Variants in TGFB2 observed in about 807,000 individuals in gnomAD.
The protein encoded by TGFB2 is transforming growth factor beta 2, also known as transforming growth factor beta-2 proprotein.
TGFB2 carries 13 observed loss-of-function variants against 42.7 expected under a neutral mutation model. The ratio of observed to expected loss-of-function variants is 0.30; its 90% CI spans 0.20 to 0.48. The LOEUF (loss-of-function observed/expected upper bound fraction) is 0.48. Among genes scored for constraint, TGFB2 ranks in the 20% least tolerant of loss-of-function variants. The pLI is 0.99. For missense variants in TGFB2, 390 were observed against 517.5 expected, an observed-to-expected ratio of 0.75 and a Z score of 2.39; for synonymous variants, 193 against 193.6, an observed-to-expected ratio of 1.00 and a Z score of 0.03.
chr1:218,393,752 C>G (rs1464214417), intron 1 of TGFB2, among the ~76,000 whole-genome samples: 1 of 152,110 alleles, frequency 6.6e-6, no homozygotes, highest in Non-Finnish European at 1.5e-5. Flanking sequence ...AGAAGAGCTG[C>G]TTCAGTGGCC....
chr1:218,419,711 G>A (rs1659393153), intron 2 of TGFB2, among the ~76,000 whole-genome samples: 1 of 152,120 alleles, frequency 6.6e-6, no homozygotes, highest in Non-Finnish European at 1.5e-5. Context: ...TGGAAATTCT[G>A]CTCCATTTGT....
intron 2 of TGFB2, 122 bp from the exon 3 acceptor site, chr1:218,433,960 C>T: frequency 7.8e-7 from 1 of 1,281,446 alleles, no homozygotes. Flanking sequence ...GATGACAATG[C>T]ATGGCTATAC....
chr1:218,440,859 G>A (rs892972406), intron 6 of TGFB2, among the ~76,000 whole-genome samples: 5 of 152,194 alleles, frequency 3.3e-5, no homozygotes, highest in African/African-American at 4.8e-5. Flanking sequence ...ATCAAGTTTT[G>A]TGGGGACCTA....
chr1:218,427,847 C>G (rs1659675405), intron 2 of TGFB2, among the ~76,000 whole-genome samples: 1 of 152,066 alleles, frequency 6.6e-6, no homozygotes, highest in African/African-American at 2.4e-5. Context: ...GGGTATATAC[C>G]CAGTAATGGG....
chr1:218,380,509 A>G (rs914747786), intron 1 of TGFB2, among the ~76,000 whole-genome samples: 2 of 151,894 alleles, frequency 1.3e-5, no homozygotes, highest in African/African-American at 4.8e-5. Flanking sequence ...ATGTTTATAG[A>G]GTTGGAAGAT....
At chr1:218,363,392 G>C (rs764845790) in intron 1 of TGFB2, 5 of 1,613,952 alleles carry the variant, frequency 3.1e-6, no homozygotes, top group Non-Finnish European at 4.2e-6. Context: ...GCTCCAGACA[G>C]TCCCAGGTGC....
intron 1 of TGFB2, among the ~76,000 whole-genome samples, chr1:218,367,297 G>A (rs577416072): frequency 2.0e-4 from 31 of 152,304 alleles, no homozygotes; most frequent in African/African-American, 7.0e-4. Flanking sequence ...TAAGGACCTA[G>A]CAAACAATGG....
chr1:218,436,106 C>T lies in TGFB2; in HGVS notation c.891C>T (p.Asn297=). Residue 297 remains asparagine (N), a synonymous_variant, in exon 5 of 7, where the codon AAC becomes AAT. Transcript: ENST00000366930. Reference sequence around the variant, plus strand: ...ACAGACTTGAGTCACAACAGACCAACCGGCGGAAGAAGCGTGCTTTGGATG... The same window carrying T: ...ACAGACTTGAGTCACAACAGACCAATCGGCGGAAGAAGCGTGCTTTGGATG... The part of the protein sequence containing the change: ...PSYRLESQQT[N]RRKKRALDAA... 1.2e-6 allele frequency: 2 copies of T among 1,613,836 alleles called. No individual in the cohort carries two copies. The highest frequency in any genetic ancestry group is 1.7e-6 in the Non-Finnish European group (2 of 1,179,894).
intron 2 of TGFB2, among the ~76,000 whole-genome samples, chr1:218,431,715 A>C (rs1265490579): frequency 1.3e-5 from 2 of 152,264 alleles, no homozygotes; most frequent in Non-Finnish European, 2.9e-5. Flanking sequence ...ATTTAGAGAC[A>C]AAACGATGAG....
At chr1:218,361,245 T>C (rs993466921) in intron 1 of TGFB2, among the ~76,000 whole-genome samples, 13 of 152,224 alleles carry the variant, frequency 8.5e-5, no homozygotes, top group African/African-American at 3.1e-4. Context: ...TGGTCTTAAC[T>C]TCTAAGGCAT....
intron 1 of TGFB2, among the ~76,000 whole-genome samples, chr1:218,371,039 C>A (rs1657553608): frequency 6.6e-6 from 1 of 152,218 alleles, no homozygotes; most frequent in African/African-American, 2.4e-5. Flanking sequence ...GTGGCTCGTG[C>A]CTGTAATCCC....
At chr1:218,350,869 T>C (rs1656847545) in intron 1 of TGFB2, among the ~76,000 whole-genome samples, 2 of 152,174 alleles carry the variant, frequency 1.3e-5, no homozygotes, top group Admixed American at 6.5e-5. Context: ...AATAAGCAGT[T>C]TGTGTTAACA....
In TGFB2 at chr1:218,415,878, A is replaced by G. The variant is rs185088887; in HGVS notation, c.510+10546A>G. On this transcript the variant is annotated intron_variant, in intron 2 of 6. Transcript: ENST00000366930. The stretch of plus-strand genomic sequence containing the variant: ...AATGCCTAGGTTAAGTGTCTGGCAC[A>G]CAAGATGCGGAAGGAGTAGGTTACT... Among the ~76,000 whole-genome samples, 45 of 152,038 alleles carry G rather than the reference A, an allele frequency of 3.0e-4. No individual in the cohort carries two copies. The East Asian group carries it at 8.5e-3, about 29-fold the overall frequency.
At chr1:218,413,322 G>T (rs1394970662) in intron 2 of TGFB2, among the ~76,000 whole-genome samples, 1 of 150,862 alleles carries the variant, frequency 6.6e-6, no homozygotes. Flanking sequence ...GCAGTGAGCC[G>T]AGATCACACA....
At chr1:218,402,667 G>A (rs1174656782) in intron 1 of TGFB2, among the ~76,000 whole-genome samples, 1 of 152,222 alleles carries the variant, frequency 6.6e-6, no homozygotes, top group Non-Finnish European at 1.5e-5. Flanking sequence ...GGGTGTTTGT[G>A]AAAGTGGAAG....
At chr1:218,371,870 T>TTA (rs1657583831) in intron 1 of TGFB2, among the ~76,000 whole-genome samples, 1 of 152,214 alleles carries the variant, frequency 6.6e-6, no homozygotes, top group African/African-American at 2.4e-5. Context: ...TAGAACCCCA[T>TTA]CTATAACTTG....
chr1:218,370,689 C>T lies in TGFB2; in HGVS notation c.346+23642C>T, dbSNP rs149777550. ...GTTTCTCGCACGTTCATATAGATGG[C>T]CTTGTGGGATGGCTGTGGCTCTGTT... On this transcript the variant is annotated intron_variant, in intron 1 of 6. Transcript: ENST00000366930. Among the ~76,000 whole-genome samples, 706 of 152,234 alleles carry T rather than the reference C, an allele frequency of 4.6e-3. 22 individuals are homozygous for T. Among genetic ancestry groups the T allele is most frequent in the Admixed American group, 0.043 (652 of 15,282 alleles).
chr1:218,402,871 A>G (rs759019520), intron 1 of TGFB2, among the ~76,000 whole-genome samples: 1 of 152,256 alleles, frequency 6.6e-6, no homozygotes, highest in Admixed American at 6.5e-5. Flanking sequence ...GGTTTTGGCC[A>G]AGACGGTGTG....
At chr1:218,378,058 C>G (rs1171497382) in intron 1 of TGFB2, among the ~76,000 whole-genome samples, 6 of 152,128 alleles carry the variant, frequency 3.9e-5, no homozygotes, top group Non-Finnish European at 8.8e-5. Context: ...TCACTGCAAC[C>G]GCCGCCTCCC....
Sources: gnomAD v4.1 joint callset for allele counts (sites outside exome capture counted in the v4.1 genomes callset) on GRCh38, gnomAD v4.1.1 for gene constraint, MANE v1.5 for transcripts, NCBI Gene and HGNC (gene_info 2026-07-23, HGNC 2026-07-21) for gene names.